NPEPL1: variants seen among roughly 807,000 people sequenced by gnomAD.
The protein encoded by NPEPL1 is probable aminopeptidase NPEPL1.
Under a neutral mutation model 52.4 loss-of-function variants are expected in NPEPL1, and 45 were observed. That is an observed-to-expected ratio of 0.86 (90% confidence interval 0.68 to 1.10). The LOEUF is 1.10. Ranked by LOEUF, NPEPL1 falls within the 50% of genes least tolerant of loss-of-function variation. The pLI, the probability that NPEPL1 is intolerant of heterozygous loss-of-function variation, is 0.00. For synonymous variants in NPEPL1, 360 were observed against 314.7 expected, an observed-to-expected ratio of 1.14 and a Z score of -1.52; for missense variants, 696 against 710.9, an observed-to-expected ratio of 0.98 and a Z score of 0.24.
At chr20:58,703,482 A>G (rs2084675815) in intron 6 of NPEPL1, 3 of 971,212 alleles carry the variant, frequency 3.1e-6, no homozygotes, top group Non-Finnish European at 3.6e-6. Flanking sequence ...CGCACCCTCA[A>G]TACCCACGGT....
chr20:58,706,418 A>G (rs1481357388), intron 6 of NPEPL1, among the ~76,000 whole-genome samples: 2 of 152,168 alleles, frequency 1.3e-5, no homozygotes, highest in Non-Finnish European at 2.9e-5. Context: ...GAGAATGCTG[A>G]GCCTAAGTCT....
Position 58,701,374 on chromosome 20 carries a change from G to A in NPEPL1, c.822+216G>A, listed in dbSNP as rs1282880331. Among the ~76,000 whole-genome samples, 109 of 141,396 alleles carry A rather than the reference G, an allele frequency of 7.7e-4. 2 individuals are homozygous for A. The highest frequency in any genetic ancestry group is 3.8e-3 in the Middle Eastern group (1 of 262). 92.8% of individuals were successfully genotyped at this position (141,396 alleles called of 152,430 possible). On this transcript the variant is annotated intron_variant, in intron 6 of 11. Coordinates refer to ENST00000356091, the MANE Select transcript of NPEPL1 (RefSeq NM_024663.4). Reference sequence around the variant, plus strand: ...CCGGCAGGCTCTCCAGGGTGCCCTGGGGGGGGGGGAGGGGCCCAGTTTGGG... The same window carrying A: ...CCGGCAGGCTCTCCAGGGTGCCCTGAGGGGGGGGGAGGGGCCCAGTTTGGG...
intron 4 of NPEPL1, 128 bp from the exon 5 acceptor site, chr20:58,699,069 G>C: frequency 1.2e-6 from 1 of 851,954 alleles, no homozygotes; most frequent in Non-Finnish European, 1.9e-6. Context: ...ACGCGAAGCT[G>C]GCTCCCAAGC....
chr20:58,702,666 T>G (rs1323880848), intron 6 of NPEPL1, among the ~76,000 whole-genome samples: 1 of 152,156 alleles, frequency 6.6e-6, no homozygotes, highest in Non-Finnish European at 1.5e-5. Context: ...TAAATTGATC[T>G]TCTTTACTAA....
chr20:58,692,409 G>A (rs1285550901), upstream of NPEPL1, among the ~76,000 whole-genome samples: 1 of 152,198 alleles, frequency 6.6e-6, no homozygotes, highest in East Asian at 1.9e-4. The surrounding 1 kb of genome is among the most constrained non-coding windows in gnomAD (Gnocchi z 5.7). Context: ...GGGGTCCCTG[G>A]GGATCAAAAG....
At position 58,694,482 on chromosome 20, in the gene NPEPL1, C is replaced by A; in HGVS notation, c.397C>A (p.Leu133Met). ...CTGTGCCCTGGCCCGGGCCTTCCCGCTGTTCACCCACCGCTCAGGTGCCTC... is the reference window on the plus strand; with the variant it reads ...CTGTGCCCTGGCCCGGGCCTTCCCGATGTTCACCCACCGCTCAGGTGCCTC... Reference protein sequence around the residue: ...SACALARAFPLFTHRSGASRR... With the variant: ...SACALARAFPMFTHRSGASRR... Residue 133 changes from leucine to methionine, a missense_variant, in exon 3 of 12, where the codon CTG becomes ATG. Leu to Met is a conservative substitution (Grantham distance 15). Transcript: ENST00000356091. The A allele has an allele frequency of 6.2e-7, 1 of 1,613,988 alleles. No homozygotes were observed. Among genetic ancestry groups the A allele is most frequent in the Non-Finnish European group, 8.5e-7 (1 of 1,179,872 alleles).
chr20:58,694,014 G>C (rs1419431427), intron 2 of NPEPL1, 92 bp downstream of exon 2: 9 of 1,260,768 alleles, frequency 7.1e-6, no homozygotes, highest in African/African-American at 6.0e-5. Context: ...TCAGACTGCA[G>C]CGCACGCCCA....
chr20:58,700,821 A>T (rs182363671), intron 5 of NPEPL1, among the ~76,000 whole-genome samples, 195 bp from the exon 6 acceptor site: 5 of 152,284 alleles, frequency 3.3e-5, no homozygotes, highest in African/African-American at 1.2e-4. Flanking sequence ...TTTGTTTGCA[A>T]TCTCAGACAT....
At chr20:58,705,793 T>C (rs1244003905) in intron 6 of NPEPL1, among the ~76,000 whole-genome samples, 1 of 152,166 alleles carries the variant, frequency 6.6e-6, no homozygotes, top group Non-Finnish European at 1.5e-5. Context: ...TTTCCAGGCA[T>C]TGCTGTGTGA....
chr20:58,693,846 A>G lies in NPEPL1; in HGVS notation c.260A>G (p.Asn87Ser), dbSNP rs770933914. ...CTGCCCTGCAGGGTGAGCCGGCACA[A>G]CAGCCCCTCGGCCGCCCACTTCATC... The part of the protein sequence containing the change: ...AALPCRVSRH[N>S]SPSAAHFITR... The change falls in exon 2 of 12, where the codon AAC (asparagine) becomes AGC (serine). Residue 87 changes from asparagine to serine, a missense_variant. Transcript: ENST00000356091. 8 of 1,613,402 alleles carry G rather than the reference A, an allele frequency of 5.0e-6. No individual in the cohort carries two copies. The highest frequency in any genetic ancestry group is 6.8e-6 in the Non-Finnish European group (8 of 1,179,782).
chr20:58,713,354 CA>C lies in NPEPL1; in HGVS notation c.1002-63del. 2.0e-6 allele frequency: 3 copies of C among 1,502,190 alleles called. No homozygotes were observed. In the South Asian group the frequency reaches 3.9e-5, roughly 19 times the overall value. 93.1% of individuals were successfully genotyped at this position (1,502,190 alleles called of 1,614,324 possible). ...GCTCCAAATGGGGTCTCCCCAGTTT[CA>C]AAGGGGCTCATGCCAGTGTCCCAGG... On this transcript the variant is annotated intron_variant, in intron 8 of 11. Transcript: ENST00000356091. The surrounding 1 kb of genome is among the most constrained non-coding windows in gnomAD (Gnocchi z 4.6).
At position 58,713,722 on chromosome 20, in the gene NPEPL1, C is replaced by A. The variant is rs954322607; in HGVS notation, c.1125+179C>A. 7.0e-5 allele frequency: 76 copies of A among 1,086,494 alleles called. No individual in the cohort carries two copies. Among genetic ancestry groups the A allele is most frequent in the Non-Finnish European group, 9.3e-5 (74 of 793,996 alleles). The allele number at this position is 1,086,494 out of a possible 1,614,324, so 67.3% of individuals were successfully genotyped here. On this transcript the variant is annotated intron_variant, in intron 9 of 11. Transcript: ENST00000356091. This position sits in a 1 kb window ranked among gnomAD's most constrained non-coding sequence, Gnocchi z 4.6. ...GGTGTGGGCAGTACCGAGGCCCAGG[C>A]TGGATGCAGAGCCGGGAACCGCCTC...
chr20:58,711,055 C>T (rs1165319198), intron 7 of NPEPL1: 2 of 139,044 alleles, frequency 1.4e-5, no homozygotes, highest in African/African-American at 5.9e-5. Flanking sequence ...GGGAATCCTC[C>T]TCCTCCCCGC....
At chr20:58,703,796 G>A in intron 6 of NPEPL1, 8 of 983,236 alleles carry the variant, frequency 8.1e-6, no homozygotes, top group Non-Finnish European at 9.7e-6. Context: ...ACAGCCTTCA[G>A]GGAAGCTGTG....
intron 10 of NPEPL1, 65 bp from the exon 11 acceptor site, chr20:58,714,494 TG>T: frequency 8.6e-7 from 1 of 1,168,890 alleles, no homozygotes; most frequent in Non-Finnish European, 1.2e-6. Context: ...TGACAGGCGA[TG>T]GGGCAGGGTG....
In NPEPL1 at chr20:58,715,191, T is replaced by G. The variant is rs1391635913; in HGVS notation, c.1437T>G (p.Gly479=). 2 of 1,607,180 alleles carry G rather than the reference T, an allele frequency of 1.2e-6. No homozygotes were observed. Among genetic ancestry groups the G allele is most frequent in the Non-Finnish European group, 8.5e-7 (1 of 1,178,408 alleles). The change falls in exon 12 of 12, where the codon GGT becomes GGG. Residue 479 remains glycine, a synonymous_variant. Coordinates refer to ENST00000356091, the MANE Select transcript of NPEPL1 (RefSeq NM_024663.4). ...VHAGERATGF[G]VALLLALFGR... ...AGGGTGAGCGAGCCACAGGCTTCGG[T>G]GTGGCCCTCCTGCTGGCGCTCTTCG...
At chr20:58,702,999 G>A (rs1289491371) in intron 6 of NPEPL1, among the ~76,000 whole-genome samples, 1 of 152,202 alleles carries the variant, frequency 6.6e-6, no homozygotes, top group Non-Finnish European at 1.5e-5. Flanking sequence ...AAGGAACGCA[G>A]GTTCCGCGTC....
At chr20:58,708,702 T>C (rs1183356814) in intron 7 of NPEPL1, among the ~76,000 whole-genome samples, 2 of 152,262 alleles carry the variant, frequency 1.3e-5, no homozygotes, top group East Asian at 3.9e-4. Context: ...AGGGTGGCTC[T>C]GGGCTCCCAC....
intron 7 of NPEPL1, among the ~76,000 whole-genome samples, chr20:58,712,205 T>C (rs1406061877): frequency 1.3e-5 from 2 of 152,098 alleles, no homozygotes; most frequent in South Asian, 4.1e-4. Flanking sequence ...GCCCATGCAG[T>C]CCAAGAGTCC....
Sources: gnomAD v4.1 joint callset for allele counts (sites outside exome capture counted in the v4.1 genomes callset) on GRCh38, gnomAD v4.1.1 for gene constraint, Gnocchi (gnomAD v3.1) non-coding constraint, MANE v1.5 for transcripts, NCBI Gene and HGNC (gene_info 2026-07-23, HGNC 2026-07-21) for gene names.